The following PROM1 variants were observed in gnomAD, a reference collection of about 807,000 sequenced individuals.
The protein encoded by PROM1 is prominin-1.
PROM1 carries 105 observed loss-of-function variants against 116.9 expected under a neutral mutation model. The observed-to-expected ratio is 0.90, with a 90% CI of 0.77 to 1.06. The LOEUF (loss-of-function observed/expected upper bound fraction) is 1.06. PROM1 is among the 50% of genes least tolerant of loss of function. The probability of loss-of-function intolerance (pLI) is 0.00; values close to 1 mark genes in which losing one functional copy is unlikely to be tolerated. For synonymous variants in PROM1, 393 were observed against 387.0 expected, an observed-to-expected ratio of 1.02 and a Z score of -0.18; for missense variants, 1,122 against 1,045.2, an observed-to-expected ratio of 1.07 and a Z score of -1.01.
rs1725586921 is a variant in PROM1, at chr4:16,006,683, C to T, written c.1309G>A (p.Gly437Ser). The T allele has an allele frequency of 6.2e-7, 1 of 1,612,960 alleles. No homozygotes were observed. Among genetic ancestry groups the T allele is most frequent in the East Asian group, 2.2e-5 (1 of 44,844 alleles). Residue 437 changes from glycine (G) to serine (S), a missense_variant, in exon 13 of 28, where the codon GGT (glycine) becomes AGT (serine). Physicochemically the swap from Gly to Ser is moderately conservative, Grantham distance 56 (BLOSUM62 0). Transcript: ENST00000447510. ...AGCAGAGAGCAGATGACCAGGCCACCCAGCCACCTGGAGAGGCAAGCACAG... is the reference window on the plus strand; with the variant it reads ...AGCAGAGAGCAGATGACCAGGCCACTCAGCCACCTGGAGAGGCAAGCACAG... Reference protein sequence around the residue: ...LEEYDSYWWLGGLVICSLLTL... With the variant: ...LEEYDSYWWLSGLVICSLLTL...
chr4:16,021,231 C>A (rs938042134), intron 8 of PROM1, among the ~76,000 whole-genome samples: 2 of 151,576 alleles, frequency 1.3e-5, no homozygotes, highest in East Asian at 1.9e-4. Context: ...TAATAACACA[C>A]GAGGCACTGA....
chr4:16,075,607 T>C (rs947257703), intron 2 of PROM1, 80 bp downstream of exon 2: 3 of 1,309,160 alleles, frequency 2.3e-6, no homozygotes, highest in East Asian at 5.0e-5. Context: ...ATATTATATA[T>C]TGATTGCATT....
chr4:15,992,516 G>A, intron 16 of PROM1, 125 bp from the exon 17 acceptor site: 1 of 999,280 alleles, frequency 1.0e-6, no homozygotes, highest in Non-Finnish European at 1.4e-6. Context: ...ACTTTGGGAG[G>A]CTGAGGTGGG....
At chr4:15,993,599 A>G (rs1721593359) in intron 16 of PROM1, among the ~76,000 whole-genome samples, 2 of 152,204 alleles carry the variant, frequency 1.3e-5, no homozygotes, top group South Asian at 2.1e-4. Flanking sequence ...TGAGTGCCCA[A>G]TTTCAGAGAC....
intron 4 of PROM1, among the ~76,000 whole-genome samples, chr4:16,035,461 C>T (rs2292804): frequency 1.3e-5 from 2 of 152,134 alleles, no homozygotes; most frequent in African/African-American, 4.8e-5. Flanking sequence ...GAACAAGATA[C>T]GGCATTTCAA....
At chr4:16,018,286 T>G (rs758839841) in intron 9 of PROM1, 37 bp downstream of exon 9, 2 of 1,595,420 alleles carry the variant, frequency 1.3e-6, no homozygotes, top group Non-Finnish European at 1.7e-6. Context: ...ATCCCCAGCA[T>G]GCAGCCCTTG....
At chr4:15,973,443 G>T (rs1715177883) in intron 26 of PROM1, among the ~76,000 whole-genome samples, 1 of 152,106 alleles carries the variant, frequency 6.6e-6, no homozygotes, top group Non-Finnish European at 1.5e-5. Context: ...TGGAATCTGT[G>T]TCTCAAACAA....
chr4:16,013,330 T>A lies in PROM1; in HGVS notation c.1086A>T (p.Gln362His), dbSNP rs758197187. 1 of 1,601,208 alleles carries A rather than the reference T, an allele frequency of 6.2e-7. No homozygotes were observed. The highest frequency in any genetic ancestry group is 1.7e-5 in the Admixed American group (1 of 59,988). ...DLDGLVQQGY[Q>H]SLNDIPDRVQ... ...CTCTGTCAGGTATATCATTAAGGGA[T>A]TGATAGCCCTGAAAAATATTTCAAA... is the stretch of plus-strand genomic sequence containing the variant. The change falls in exon 11 of 28, where the codon CAA (glutamine) becomes CAT (histidine). Residue 362 changes from glutamine (Q) to histidine (H), a missense_variant. By Grantham distance (24) the Gln-to-His change is conservative (BLOSUM62 0). Transcript: ENST00000447510.
intron 11 of PROM1, among the ~76,000 whole-genome samples, chr4:16,010,683 T>A (rs902461547): frequency 6.6e-6 from 1 of 152,054 alleles, no homozygotes; most frequent in African/African-American, 2.4e-5. Context: ...TTTATGATTT[T>A]ACTTTTTGTA....
At chr4:16,083,008 G>A (rs1413076694) in intron 1 of PROM1, among the ~76,000 whole-genome samples, 1 of 151,866 alleles carries the variant, frequency 6.6e-6, no homozygotes, top group Non-Finnish European at 1.5e-5. Flanking sequence ...CGTGGAGCGA[G>A]AGGCTGGGAA....
chr4:16,019,253 T>C (rs904915587), intron 8 of PROM1, among the ~76,000 whole-genome samples: 1 of 152,236 alleles, frequency 6.6e-6, no homozygotes, highest in African/African-American at 2.4e-5. Context: ...GTTCAATTTA[T>C]GATTTCTCAA....
At chr4:16,019,041 T>C (rs1517598) in intron 8 of PROM1, among the ~76,000 whole-genome samples, 19,852 of 152,248 alleles carry the variant, frequency 0.13, 1,460 homozygotes, top group African/African-American at 0.17. Flanking sequence ...CTTTGCTATT[T>C]GCTGTGTGAC....
intron 1 of PROM1, among the ~76,000 whole-genome samples, chr4:16,078,654 C>A (rs1362688745): frequency 1.3e-5 from 2 of 152,140 alleles, no homozygotes; most frequent in African/African-American, 4.8e-5. Flanking sequence ...AAGATAAGTA[C>A]AGGGTGCTCC....
At chr4:16,077,192 C>CG (rs1408811625) in intron 1 of PROM1, among the ~76,000 whole-genome samples, 1 of 152,138 alleles carries the variant, frequency 6.6e-6, no homozygotes, top group Non-Finnish European at 1.5e-5. Flanking sequence ...TGGAATGTCT[C>CG]GGTATAAAAC....
At chr4:16,046,050 G>C (rs1252549687) in intron 2 of PROM1, among the ~76,000 whole-genome samples, 3 of 152,212 alleles carry the variant, frequency 2.0e-5, no homozygotes, top group African/African-American at 7.2e-5. Context: ...GTGTTATCCT[G>C]GGAATAGTGC....
Position 15,996,023 on chromosome 4 carries a change from G to A in PROM1, c.1683-1952C>T, listed in dbSNP as rs114513127. ...ATGGTACTTAGCTCGCTTTACAACA[G>A]GTGCTCATAAAATAATAAAAGTAGT... is the stretch of plus-strand genomic sequence containing the variant. On this transcript the variant is annotated intron_variant, in intron 15 of 27. Coordinates refer to ENST00000447510, the MANE Select transcript of PROM1 (RefSeq NM_006017.3). Among the ~76,000 whole-genome samples, 1,495 of 152,288 alleles carry A rather than the reference G, an allele frequency of 9.8e-3. 22 individuals carry two copies. Among genetic ancestry groups the A allele is most frequent in the African/African-American group, 0.035 (1,435 of 41,552 alleles).
intron 18 of PROM1, among the ~76,000 whole-genome samples, chr4:15,990,339 C>T (rs950475317): frequency 6.6e-6 from 1 of 152,184 alleles, no homozygotes; most frequent in Admixed American, 6.5e-5. Flanking sequence ...GTCACCATGG[C>T]GTGCTGCTTC....
At chr4:16,073,101 ACT>A (rs1743165128) in intron 2 of PROM1, among the ~76,000 whole-genome samples, 1 of 152,018 alleles carries the variant, frequency 6.6e-6, no homozygotes, top group Non-Finnish European at 1.5e-5. Flanking sequence ...CTTGAATTAA[ACT>A]CTTTCTCCAC....
chr4:16,047,261 G>A (rs891716352), intron 2 of PROM1, among the ~76,000 whole-genome samples: 1 of 152,070 alleles, frequency 6.6e-6, no homozygotes, highest in Admixed American at 6.5e-5. Context: ...CTGGAGTACA[G>A]TGGGGCAATC....
Sources: allele counts gnomAD v4.1 joint callset (sites outside exome capture counted in the v4.1 genomes callset), GRCh38; gene constraint gnomAD v4.1.1; transcripts MANE v1.5; gene names NCBI Gene and HGNC (gene_info 2026-07-23, HGNC 2026-07-21).